Variants in DNM3 observed in about 807,000 individuals in gnomAD.
The protein encoded by DNM3 is dynamin 3, also known as dynamin-3.
DNM3 carries 47 observed loss-of-function variants against 101.6 expected under a neutral mutation model. The observed-to-expected ratio is 0.46, with a 90% CI of 0.37 to 0.59. DNM3 has a LOEUF of 0.59. DNM3 is among the 20% of genes least tolerant of loss of function. The pLI is 0.00. For missense variants in DNM3, 849 were observed against 1,085.7 expected, an observed-to-expected ratio of 0.78 and a Z score of 3.06; for synonymous variants, 385 against 387.9, an observed-to-expected ratio of 0.99 and a Z score of 0.09.
intron 17 of DNM3, among the ~76,000 whole-genome samples, chr1:172,337,871 A>AT (rs2066505396): frequency 1.3e-5 from 1 of 75,302 alleles, no homozygotes; most frequent in South Asian, 3.3e-4. Context: ...TTTTATTTTT[A>AT]TTTTATTTTA....
intron 14 of DNM3, among the ~76,000 whole-genome samples, chr1:172,200,046 G>T (rs2060097426): frequency 6.6e-6 from 1 of 151,974 alleles, no homozygotes; most frequent in South Asian, 2.1e-4. Context: ...GCTGGTAGTG[G>T]TCTTTCCTTT....
intron 13 of DNM3, among the ~76,000 whole-genome samples, chr1:172,095,043 G>A (rs1307258762): frequency 6.6e-6 from 1 of 152,146 alleles, no homozygotes; most frequent in Non-Finnish European, 1.5e-5. Context: ...CTTTGCTTTT[G>A]CTGGATACTT....
intron 15 of DNM3, among the ~76,000 whole-genome samples, chr1:172,290,501 T>G (rs1304814183): frequency 6.6e-6 from 1 of 151,952 alleles, no homozygotes; most frequent in African/African-American, 2.4e-5. Flanking sequence ...AGAATGAAAA[T>G]GCACATTTGA....
chr1:171,856,667 C>T (rs921308379), intron 1 of DNM3, among the ~76,000 whole-genome samples: 34 of 152,086 alleles, frequency 2.2e-4, no homozygotes, highest in Admixed American at 2.6e-4. Flanking sequence ...TGATTTGGCT[C>T]TCAGCTTGGG....
chr1:172,006,625 C>T (rs2046709181), intron 4 of DNM3, among the ~76,000 whole-genome samples: 1 of 152,036 alleles, frequency 6.6e-6, no homozygotes, highest in Non-Finnish European at 1.5e-5. Context: ...ATACCCTCCA[C>T]CCCCTTCTTC....
chr1:172,327,413 C>T (rs978100416), intron 17 of DNM3, among the ~76,000 whole-genome samples: 1 of 152,076 alleles, frequency 6.6e-6, no homozygotes, highest in Non-Finnish European at 1.5e-5. Flanking sequence ...CTCTTTACAC[C>T]AAGCCCTCAA....
intron 14 of DNM3, among the ~76,000 whole-genome samples, chr1:172,219,764 G>C (rs2060840635): frequency 6.6e-6 from 1 of 152,126 alleles, no homozygotes; most frequent in Non-Finnish European, 1.5e-5. Context: ...CCAGGCTGTA[G>C]CTCCTTTAAT....
chr1:172,394,843 A>G (rs1466709929), intron 20 of DNM3, among the ~76,000 whole-genome samples: 2 of 152,210 alleles, frequency 1.3e-5, no homozygotes, highest in Non-Finnish European at 2.9e-5. Flanking sequence ...ATTCCTATAT[A>G]CAAGTTAATG....
intron 14 of DNM3, among the ~76,000 whole-genome samples, chr1:172,211,056 A>C (rs530395945): frequency 6.6e-6 from 1 of 152,256 alleles, no homozygotes; most frequent in East Asian, 1.9e-4. Context: ...TATATCTTAC[A>C]GTTTGTTTCC....
chr1:172,382,962 C>T (rs2068996607), intron 18 of DNM3, among the ~76,000 whole-genome samples: 1 of 152,092 alleles, frequency 6.6e-6, no homozygotes, highest in South Asian at 2.1e-4. Flanking sequence ...AACATGTGCC[C>T]TAGTTTCAAA....
At chr1:172,328,467 C>T (rs1056154922) in intron 17 of DNM3, among the ~76,000 whole-genome samples, 2 of 152,164 alleles carry the variant, frequency 1.3e-5, no homozygotes, top group African/African-American at 4.8e-5. Context: ...AGATCATGTC[C>T]TTCACAGCAA....
chr1:172,342,183 T>C (rs2066720635), intron 17 of DNM3, among the ~76,000 whole-genome samples: 1 of 152,190 alleles, frequency 6.6e-6, no homozygotes, highest in Admixed American at 6.5e-5. Flanking sequence ...GTTCAACCAT[T>C]GTGGAAAGCA....
At chr1:171,973,836 T>C (rs1255624863) in intron 2 of DNM3, among the ~76,000 whole-genome samples, 1 of 152,090 alleles carries the variant, frequency 6.6e-6, no homozygotes, top group Non-Finnish European at 1.5e-5. Flanking sequence ...GCTAATTTTT[T>C]GGATTTTTGG....
At chr1:172,329,461 G>T (rs1474185234) in intron 17 of DNM3, among the ~76,000 whole-genome samples, 1 of 151,870 alleles carries the variant, frequency 6.6e-6, no homozygotes, top group East Asian at 1.9e-4. Context: ...TATACAAAGA[G>T]AAAAATTAAT....
intron 10 of DNM3, among the ~76,000 whole-genome samples, chr1:172,061,140 A>T (rs1267255246): frequency 8.6e-5 from 13 of 150,484 alleles, no homozygotes; most frequent in Non-Finnish European, 1.5e-4. Flanking sequence ...AATCAAAACC[A>T]CAATGAGATA....
At chr1:171,934,814 A>C (rs763303722) in intron 2 of DNM3, among the ~76,000 whole-genome samples, 1 of 152,216 alleles carries the variant, frequency 6.6e-6, no homozygotes. Context: ...GGCTCAGGAC[A>C]GATACTATGT....
chr1:172,124,627 G>A (rs1200504411), intron 13 of DNM3, among the ~76,000 whole-genome samples: 1 of 152,132 alleles, frequency 6.6e-6, no homozygotes, highest in African/African-American at 2.4e-5. Flanking sequence ...TGAGTGGGGT[G>A]GGAGAGACCC....
At chr1:172,174,568 A>G (rs2059085327) in intron 14 of DNM3, among the ~76,000 whole-genome samples, 1 of 151,702 alleles carries the variant, frequency 6.6e-6, no homozygotes, top group South Asian at 2.1e-4. Flanking sequence ...TTTTTTAACA[A>G]ATGTCTCAGT....
chr1:172,242,311 C>T (rs2061779980), intron 14 of DNM3, among the ~76,000 whole-genome samples: 1 of 152,116 alleles, frequency 6.6e-6, no homozygotes, highest in Admixed American at 6.6e-5. Flanking sequence ...TGCTGTTCAC[C>T]CTGCCTGGTA....
Sources: allele counts gnomAD v4.1 joint callset (sites outside exome capture counted in the v4.1 genomes callset), GRCh38; gene constraint gnomAD v4.1.1; transcripts MANE v1.5; gene names NCBI Gene and HGNC (gene_info 2026-07-23, HGNC 2026-07-21).